Variants in NUBPL observed in about 807,000 individuals in gnomAD.
NUBPL encodes NUBP iron-sulfur cluster assembly factor, mitochondrial, also known as iron-sulfur cluster transfer protein NUBPL.
Under a neutral mutation model 45.7 loss-of-function variants are expected in NUBPL, and 31 were observed. That is an observed-to-expected ratio of 0.68 (90% CI 0.51 to 0.92). The LOEUF (loss-of-function observed/expected upper bound fraction) is 0.92. NUBPL is among the 40% of genes least tolerant of loss of function. The pLI is 0.00. For synonymous variants in NUBPL, 144 were observed against 140.9 expected, an observed-to-expected ratio of 1.02 and a Z score of -0.15; for missense variants, 401 against 398.7, an observed-to-expected ratio of 1.01 and a Z score of -0.05.
At chr14:31,706,630 A>G (rs2037459686) in intron 6 of NUBPL, among the ~76,000 whole-genome samples, 1 of 152,194 alleles carries the variant, frequency 6.6e-6, no homozygotes, top group Non-Finnish European at 1.5e-5. Context: ...TCCCCTAAGA[A>G]GGTGCAGAGT....
At position 31,680,926 on chromosome 14, in the gene NUBPL, C is replaced by CT. The variant is rs1444945259; in HGVS notation, c.513+7356dup. On this transcript the variant is annotated intron_variant, in intron 6 of 10. Transcript: ENST00000281081. ...CCGTGGATATGGTGGGCCAACTGTACTTTTACTGCATTGCTGGATTGAATT... is the reference window on the plus strand; with the variant it reads ...CCGTGGATATGGTGGGCCAACTGTACTTTTTACTGCATTGCTGGATTGAATT... 2.0e-5 allele frequency among the ~76,000 whole-genome samples: 3 copies of CT among 152,114 alleles called. No homozygotes were observed. In the East Asian group the frequency reaches 5.8e-4, roughly 29 times the overall value.
At chr14:31,649,555 T>C (rs758972003) in intron 4 of NUBPL, among the ~76,000 whole-genome samples, 12 of 152,246 alleles carry the variant, frequency 7.9e-5, no homozygotes, top group Admixed American at 3.9e-4. Flanking sequence ...TTTTAGAGTT[T>C]TGAAATTTTA....
chr14:31,645,943 C>G (rs775174004), intron 4 of NUBPL, among the ~76,000 whole-genome samples: 5 of 151,986 alleles, frequency 3.3e-5, no homozygotes, highest in Non-Finnish European at 7.4e-5. Context: ...GATAGAGTAT[C>G]CTGGAGTTAT....
chr14:31,741,938 C>T (rs182168094), intron 6 of NUBPL, among the ~76,000 whole-genome samples: 8 of 151,970 alleles, frequency 5.3e-5, no homozygotes, highest in Non-Finnish European at 1.0e-4. Context: ...CCATGCCAGA[C>T]GTGAAACCAT....
At chr14:31,687,909 C>T (rs779586894) in intron 6 of NUBPL, among the ~76,000 whole-genome samples, 2 of 152,138 alleles carry the variant, frequency 1.3e-5, no homozygotes, top group African/African-American at 4.8e-5. Context: ...ATGAATCCAA[C>T]CTAAGGACCA....
intron 7 of NUBPL, among the ~76,000 whole-genome samples, chr14:31,823,135 C>G (rs1242119292): frequency 1.3e-5 from 2 of 151,918 alleles, no homozygotes; most frequent in African/African-American, 4.8e-5. Flanking sequence ...GTCATCAAAA[C>G]CAGAATCTGG....
intron 6 of NUBPL, among the ~76,000 whole-genome samples, chr14:31,721,134 T>G (rs2037799596): frequency 6.6e-6 from 1 of 152,218 alleles, no homozygotes; most frequent in Non-Finnish European, 1.5e-5. Flanking sequence ...TCTAAAGTAA[T>G]GCTAATCCCC....
chr14:31,573,835 T>G (rs1331785586), intron 3 of NUBPL, among the ~76,000 whole-genome samples: 2 of 152,224 alleles, frequency 1.3e-5, no homozygotes, highest in Non-Finnish European at 2.9e-5. Context: ...AAAGTTTGTT[T>G]ACTATCTCCT....
intron 3 of NUBPL, among the ~76,000 whole-genome samples, chr14:31,595,021 T>A (rs981805543): frequency 6.6e-6 from 1 of 152,206 alleles, no homozygotes; most frequent in East Asian, 1.9e-4. Flanking sequence ...AAGGAACATA[T>A]CATGAAGCTT....
intron 8 of NUBPL, among the ~76,000 whole-genome samples, chr14:31,830,337 A>G (rs1326497773): frequency 6.6e-6 from 1 of 152,184 alleles, no homozygotes; most frequent in Non-Finnish European, 1.5e-5. Flanking sequence ...CAAGTACTTT[A>G]TATCATCCTG....
At chr14:31,666,454 A>G (rs4981110) in intron 4 of NUBPL, among the ~76,000 whole-genome samples, 151,020 of 151,332 alleles carry the variant, frequency 1, 75,355 homozygotes, top group Middle Eastern at 1. Flanking sequence ...TAGTAGAGAC[A>G]GGGTTTGACC....
intron 6 of NUBPL, among the ~76,000 whole-genome samples, chr14:31,753,144 T>A (rs752184606): frequency 6.6e-6 from 1 of 152,172 alleles, no homozygotes; most frequent in Non-Finnish European, 1.5e-5. Flanking sequence ...TAGTGGTTTA[T>A]GGAAGGAGTG....
intron 6 of NUBPL, among the ~76,000 whole-genome samples, chr14:31,723,845 C>T (rs888432805): frequency 2.6e-5 from 4 of 152,158 alleles, no homozygotes; most frequent in East Asian, 1.9e-4. Context: ...ACTTTTAGAC[C>T]GAGACTATAG....
At chr14:31,615,802 G>T (rs1225578480) in intron 4 of NUBPL, among the ~76,000 whole-genome samples, 1 of 152,124 alleles carries the variant, frequency 6.6e-6, no homozygotes, top group African/African-American at 2.4e-5. Flanking sequence ...AATCCTTTGG[G>T]TATATACCCA....
At chr14:31,605,648 T>C (rs185836692) in intron 4 of NUBPL, among the ~76,000 whole-genome samples, 6 of 152,302 alleles carry the variant, frequency 3.9e-5, no homozygotes, top group Admixed American at 1.3e-4. Flanking sequence ...CTTGAGCAAA[T>C]GACCTTTTAT....
At chr14:31,589,043 G>C (rs961890271) in intron 3 of NUBPL, among the ~76,000 whole-genome samples, 3 of 151,922 alleles carry the variant, frequency 2.0e-5, no homozygotes, top group Non-Finnish European at 2.9e-5. Context: ...CTTTGAGTGA[G>C]ATGTTAATAT....
chr14:31,745,322 A>T (rs756669935), intron 6 of NUBPL, among the ~76,000 whole-genome samples: 2 of 151,720 alleles, frequency 1.3e-5, no homozygotes, highest in Non-Finnish European at 2.9e-5. Flanking sequence ...TGTCCTTGTG[A>T]TAGTTTGCTG....
chr14:31,773,084 G>T (rs2138769529), intron 6 of NUBPL, among the ~76,000 whole-genome samples: 1 of 152,108 alleles, frequency 6.6e-6, no homozygotes, highest in South Asian at 2.1e-4. Context: ...AAGTCTGTAG[G>T]CCATCAACTA....
intron 6 of NUBPL, among the ~76,000 whole-genome samples, chr14:31,683,897 T>C (rs967242855): frequency 1.3e-5 from 2 of 152,226 alleles, no homozygotes; most frequent in Non-Finnish European, 2.9e-5. Flanking sequence ...AAGTCTTAAA[T>C]GATGTTCCAC....
Sources: allele counts gnomAD v4.1 joint callset (sites outside exome capture counted in the v4.1 genomes callset), GRCh38; gene constraint gnomAD v4.1.1; transcripts MANE v1.5; gene names NCBI Gene and HGNC (gene_info 2026-07-23, HGNC 2026-07-21).